CDK12: variants seen among roughly 807,000 people sequenced by gnomAD.
CDK12 encodes cyclin-dependent kinase 12.
A neutral mutation model predicts 133.8 loss-of-function variants in CDK12; 17 were observed. The ratio of observed to expected loss-of-function variants is 0.13; its 90% confidence interval spans 0.09 to 0.19. The LOEUF (loss-of-function observed/expected upper bound fraction) is 0.19, where lower values mean the gene tolerates loss of function less well. Ranked by LOEUF, CDK12 falls within the 10% of genes least tolerant of loss-of-function variation. CDK12 has a pLI of 1.00. For synonymous variants in CDK12, 694 were observed against 683.6 expected, an observed-to-expected ratio of 1.02 and a Z score of -0.24; for missense variants, 1,508 against 1,818.7, an observed-to-expected ratio of 0.83 and a Z score of 3.11.
intron 2 of CDK12, among the ~76,000 whole-genome samples, chr17:39,489,305 G>A (rs973296430): frequency 4.6e-5 from 7 of 151,300 alleles, no homozygotes; most frequent in African/African-American, 1.7e-4. Flanking sequence ...CCTGAGTTCA[G>A]GCAGTCTGCC....
intron 11 of CDK12, 52 bp from the exon 12 acceptor site, chr17:39,524,622 A>T (rs2054383016): frequency 6.8e-7 from 1 of 1,464,906 alleles, no homozygotes; most frequent in Non-Finnish European, 9.5e-7. Context: ...TCCTCCATTC[A>T]TTCACTGCTG....
chr17:39,476,727 T>TTC (rs2050237071), intron 2 of CDK12, among the ~76,000 whole-genome samples: 1 of 118,792 alleles, frequency 8.4e-6, no homozygotes, highest in African/African-American at 3.2e-5. Context: ...TTTTTTTTTT[T>TTC]TTTTTTTTTT....
chr17:39,475,766 C>G (rs1048527750), intron 2 of CDK12, among the ~76,000 whole-genome samples: 1 of 151,610 alleles, frequency 6.6e-6, no homozygotes, highest in East Asian at 2.0e-4. Flanking sequence ...AGGCTGGTCT[C>G]GAACTCCTGA....
chr17:39,551,090 T>C (rs537337510), exon 2 of CDK12: 33 of 152,162 alleles, frequency 2.2e-4, no homozygotes, highest in African/African-American at 7.7e-4. Context: ...TGTCCTGGTA[T>C]TGCTTTGTGT....
chr17:39,555,435 C>G (rs1384048412), intron 2 of CDK12, among the ~76,000 whole-genome samples: 1 of 151,638 alleles, frequency 6.6e-6, no homozygotes, highest in Non-Finnish European at 1.5e-5. Context: ...TCTTGGTGGT[C>G]CAGAGATGGC....
intron 2 of CDK12, among the ~76,000 whole-genome samples, chr17:39,489,360 G>A (rs1305270278): frequency 6.6e-6 from 1 of 151,690 alleles, no homozygotes; most frequent in Non-Finnish European, 1.5e-5. Flanking sequence ...GTGAGCCACC[G>A]TGCCTGGCCA....
chr17:39,526,453 G>C, intron 13 of CDK12, 137 bp downstream of exon 13: 1 of 663,084 alleles, frequency 1.5e-6, no homozygotes. Flanking sequence ...GGAGAACATA[G>C]CACCAAGTAA....
rs1287861239 is a variant in CDK12, at chr17:39,471,392, A to G, written c.1560A>G (p.Thr520=). 6.2e-7 allele frequency: 1 copy of G among 1,613,958 alleles called. No homozygotes were observed. The highest frequency in any genetic ancestry group is 1.3e-5 in the African/African-American group (1 of 74,888). ...TTGTTACTCCAAAGGAGACAGAAAC[A>G]TCAGAAAAGGAGACCCCTCCACCTC... The part of the protein sequence containing the change: ...EEIVTPKETE[T]SEKETPPPLP... The change falls in exon 2 of 14, where the codon ACA becomes ACG. Residue 520 remains threonine, a synonymous_variant. Transcript: ENST00000447079.
intron 2 of CDK12, among the ~76,000 whole-genome samples, chr17:39,472,318 T>A (rs2049854456): frequency 6.6e-6 from 1 of 152,040 alleles, no homozygotes; most frequent in Non-Finnish European, 1.5e-5. Flanking sequence ...TGATTAAAAT[T>A]TTAAAAAAAT....
intron 1 of CDK12, among the ~76,000 whole-genome samples, chr17:39,540,030 T>C (rs1322520561): frequency 1.3e-5 from 2 of 152,216 alleles, no homozygotes; most frequent in East Asian, 3.8e-4. Context: ...GAAAATCACA[T>C]TGAGGACTTT....
In CDK12 at chr17:39,492,768, A is replaced by G. The variant is rs778591854; in HGVS notation, c.2126A>G (p.Tyr709Cys). 13 of 1,472,558 alleles carry G rather than the reference A, an allele frequency of 8.8e-6. No individual in the cohort carries two copies. The highest frequency in any genetic ancestry group is 1.2e-5 in the Non-Finnish European group (13 of 1,077,638). The allele number at this position is 1,472,558 out of a possible 1,614,324, so 91.2% of individuals were successfully genotyped here. Residue 709 changes from tyrosine (Y) to cysteine (C), a missense_variant, in exon 4 of 14, where the codon TAT (tyrosine) becomes TGT (cysteine). Coordinates refer to ENST00000447079, the MANE Select transcript of CDK12 (RefSeq NM_016507.4). ...CTTTTTAGAATTTGTTGTCCTCGTT[A>G]TGGAGAAAGAAGACAAACAGAAAGC... ...KKRPKICCPR[Y>C]GERRQTESDW...
Position 39,489,193 on chromosome 17 carries a change from G to A in CDK12, c.1932-1364G>A, listed in dbSNP as rs142357315. Among the ~76,000 whole-genome samples the A allele has an allele frequency of 9.7e-3, 1,471 of 150,970 alleles. 31 individuals carry two copies. The highest frequency in any genetic ancestry group is 0.034 in the African/African-American group (1,389 of 41,102). On this transcript the variant is annotated intron_variant, in intron 2 of 13. Coordinates refer to ENST00000447079, the MANE Select transcript of CDK12 (RefSeq NM_016507.4). The stretch of plus-strand genomic sequence containing the variant: ...CCCCTGGGGTTCAAGCAGTTCTCCT[G>A]CCTCAGCCTCCTGAGTAGCTGGGAG...
chr17:39,563,701 G>A (rs1002144240), intron 3 of CDK12, among the ~76,000 whole-genome samples: 1 of 152,124 alleles, frequency 6.6e-6, no homozygotes, highest in Non-Finnish European at 1.5e-5. Context: ...CAGGATGGCG[G>A]AGGAAGATTA....
At chr17:39,488,876 C>T (rs11870631) in intron 2 of CDK12, among the ~76,000 whole-genome samples, 95,902 of 151,790 alleles carry the variant, frequency 0.63, 32,974 homozygotes, top group South Asian at 0.89. Flanking sequence ...CCAGGACTGC[C>T]GGTTGCCATC....
chr17:39,538,289 A>G (rs1439905884), downstream of CDK12, among the ~76,000 whole-genome samples: 1 of 152,196 alleles, frequency 6.6e-6, no homozygotes, highest in East Asian at 1.9e-4. Flanking sequence ...CAACCTAGAG[A>G]CTAGTAGTAT....
chr17:39,521,679 C>T (rs1320901665), intron 11 of CDK12, among the ~76,000 whole-genome samples: 1 of 151,978 alleles, frequency 6.6e-6, no homozygotes, highest in Non-Finnish European at 1.5e-5. Context: ...CCTGTCCCAG[C>T]CTACTGAGTA....
chr17:39,497,122 A>G (rs2052188501), intron 5 of CDK12, among the ~76,000 whole-genome samples: 2 of 151,986 alleles, frequency 1.3e-5, no homozygotes, highest in African/African-American at 4.8e-5. Context: ...TATCAGAGAC[A>G]GGGTTTCGCC....
rs71147345 is a variant in CDK12, at chr17:39,482,599, A to ATTTTTTTTTTTTTTTTTTTTT, written c.1932-7957_1932-7937dup. ...GCTGCCAAAGTGAACAATCAACTAC[A>ATTTTTTTTTTTTTTTTTTTTT]TTTTTTTTTTTTTTTTTTTTTGAGG... On this transcript the variant is annotated intron_variant, in intron 2 of 13. Coordinates refer to ENST00000447079, the MANE Select transcript of CDK12 (RefSeq NM_016507.4). Among the ~76,000 whole-genome samples, 24 of 74,420 alleles carry ATTTTTTTTTTTTTTTTTTTTT rather than the reference A, an allele frequency of 3.2e-4. 8 individuals are homozygous for ATTTTTTTTTTTTTTTTTTTTT. Among genetic ancestry groups the ATTTTTTTTTTTTTTTTTTTTT allele is most frequent in the Admixed American group, 3.9e-4 (2 of 5,128 alleles). 48.8% of individuals were successfully genotyped at this position (74,420 alleles called of 152,430 possible).
chr17:39,505,523 CA>C (rs369918356), intron 6 of CDK12, among the ~76,000 whole-genome samples: 57 of 97,702 alleles, frequency 5.8e-4, no homozygotes, highest in African/African-American at 9.6e-4. Flanking sequence ...GACTCCGTCT[CA>C]AAAAAAAAAA....
Sources: allele counts gnomAD v4.1 joint callset (sites outside exome capture counted in the v4.1 genomes callset), GRCh38; gene constraint gnomAD v4.1.1; transcripts MANE v1.5; gene names NCBI Gene and HGNC (gene_info 2026-07-23, HGNC 2026-07-21).